Variants in TRPM3 observed in about 807,000 individuals in gnomAD.
TRPM3 encodes transient receptor potential cation channel subfamily M member 3.
In TRPM3, 77 loss-of-function variants were observed where a neutral mutation model predicts 181.2. The ratio of observed to expected loss-of-function variants is 0.42; its 90% CI spans 0.35 to 0.51. The LOEUF is 0.51. Ranked by LOEUF, TRPM3 falls within the 20% of genes least tolerant of loss-of-function variation. The pLI is 0.01. For missense variants in TRPM3, 1,759 were observed against 2,196.7 expected (o/e 0.80, Z 3.98); for synonymous variants, 745 against 796.4 (o/e 0.94, Z 1.09).
chr9:70,565,372 C>A (rs1209078900), intron 22 of TRPM3, among the ~76,000 whole-genome samples: 1 of 152,076 alleles, frequency 6.6e-6, no homozygotes, highest in Non-Finnish European at 1.5e-5. Context: ...CAGCTCACTG[C>A]AACCTCCAAC....
intron 1 of TRPM3, among the ~76,000 whole-genome samples, chr9:71,223,915 C>G (rs2080405691): frequency 6.6e-6 from 1 of 152,206 alleles, no homozygotes; most frequent in Non-Finnish European, 1.5e-5. Context: ...ACTCTAGGCC[C>G]AGACTCCTGC....
intron 1 of TRPM3, among the ~76,000 whole-genome samples, chr9:71,038,816 G>T (rs1443302468): frequency 6.6e-6 from 1 of 152,034 alleles, no homozygotes; most frequent in Non-Finnish European, 1.5e-5. Context: ...GAGATAGCTA[G>T]TTACAGAATG....
chr9:71,444,177 C>CAAAAAA (rs34011806), intron 1 of TRPM3, among the ~76,000 whole-genome samples: 1 of 112,908 alleles, frequency 8.9e-6, no homozygotes. Flanking sequence ...GAATACATCT[C>CAAAAAA]AAAAAAAAAA....
intron 1 of TRPM3, among the ~76,000 whole-genome samples, chr9:71,430,164 G>A (rs2093933599): frequency 6.6e-6 from 1 of 152,142 alleles, no homozygotes; most frequent in Admixed American, 6.5e-5. Flanking sequence ...CTCCAGGAGG[G>A]CTGGAACTTG....
At chr9:71,008,174 C>A (rs921633131) in intron 1 of TRPM3, among the ~76,000 whole-genome samples, 1 of 151,768 alleles carries the variant, frequency 6.6e-6, no homozygotes, top group African/African-American at 2.4e-5. Context: ...CCAAAAGAAA[C>A]TTATGAATTC....
chr9:71,126,616 G>A (rs1385997923), upstream of TRPM3, among the ~76,000 whole-genome samples: 1 of 151,818 alleles, frequency 6.6e-6, no homozygotes, highest in Non-Finnish European at 1.5e-5. Context: ...TTCCCCTTTT[G>A]CCATCTTTTG....
intron 5 of TRPM3, among the ~76,000 whole-genome samples, chr9:70,828,448 G>A (rs2093686049): frequency 6.6e-6 from 1 of 152,020 alleles, no homozygotes; most frequent in African/African-American, 2.4e-5. Context: ...GATGGTGGCG[G>A]GGAGCTAGGA....
chr9:71,178,200 G>A (rs1331210666), intron 1 of TRPM3, among the ~76,000 whole-genome samples: 1 of 151,948 alleles, frequency 6.6e-6, no homozygotes, highest in African/African-American at 2.4e-5. Context: ...CTTCAAAGAG[G>A]AATTCTTATG....
At chr9:71,274,938 C>A (rs1425398880) in intron 1 of TRPM3, among the ~76,000 whole-genome samples, 1 of 152,160 alleles carries the variant, frequency 6.6e-6, no homozygotes, top group Admixed American at 6.6e-5. Context: ...TAATTCTCAA[C>A]ATTGAAATGC....
At chr9:70,783,515 T>C (rs2130838497) in intron 7 of TRPM3, among the ~76,000 whole-genome samples, 1 of 152,232 alleles carries the variant, frequency 6.6e-6, no homozygotes, top group South Asian at 2.1e-4. Flanking sequence ...CTGTTGAAAG[T>C]AGCATTAAGA....
At chr9:70,969,275 G>T (rs1002329771) in intron 1 of TRPM3, among the ~76,000 whole-genome samples, 2 of 151,940 alleles carry the variant, frequency 1.3e-5, no homozygotes, top group Non-Finnish European at 2.9e-5. Context: ...GGCCTCTCAG[G>T]GGGTGGGGGG....
At chr9:70,701,005 G>A (rs56882913) in intron 8 of TRPM3, among the ~76,000 whole-genome samples, 23,354 of 152,114 alleles carry the variant, frequency 0.15, 2,383 homozygotes, top group East Asian at 0.39. Context: ...GTCAGATGCT[G>A]GCATTTTTTT....
At chr9:71,336,768 G>T (rs1214547296) in intron 1 of TRPM3, among the ~76,000 whole-genome samples, 1 of 152,084 alleles carries the variant, frequency 6.6e-6, no homozygotes, top group African/African-American at 2.4e-5. Flanking sequence ...TAGACCAATG[G>T]AACAGAACAG....
intron 1 of TRPM3, among the ~76,000 whole-genome samples, chr9:71,002,747 T>A (rs2097622398): frequency 6.6e-6 from 1 of 152,182 alleles, no homozygotes; most frequent in South Asian, 2.1e-4. Flanking sequence ...AAATAATCTT[T>A]ATTTTTCTGA....
intron 1 of TRPM3, among the ~76,000 whole-genome samples, chr9:71,035,713 T>C (rs916358854): frequency 6.6e-6 from 1 of 152,006 alleles, no homozygotes; most frequent in Non-Finnish European, 1.5e-5. Flanking sequence ...CAGGACTGTC[T>C]CACAAAAATA....
intron 1 of TRPM3, among the ~76,000 whole-genome samples, chr9:71,032,016 TATA>T (rs1378816730): frequency 0.01 from 2 of 198 alleles, no homozygotes; most frequent in Non-Finnish European, 0.028. Flanking sequence ...TAATATATAA[TATA>T]TATATATAAT....
At chr9:71,046,575 A>G (rs904404851) in intron 1 of TRPM3, among the ~76,000 whole-genome samples, 6 of 152,148 alleles carry the variant, frequency 3.9e-5, no homozygotes, top group Admixed American at 6.5e-5. Context: ...GTTATCAGCT[A>G]TTTGTTGCCT....
chr9:71,067,668 G>A (rs1413799848), intron 1 of TRPM3, among the ~76,000 whole-genome samples: 2 of 152,198 alleles, frequency 1.3e-5, no homozygotes, highest in Non-Finnish European at 2.9e-5. Flanking sequence ...AAGTACTTAG[G>A]ACAGTGGTTA....
chr9:71,068,762 G>C (rs552146115), intron 1 of TRPM3, among the ~76,000 whole-genome samples: 7 of 152,280 alleles, frequency 4.6e-5, no homozygotes, highest in African/African-American at 1.7e-4. Flanking sequence ...CATTTTCAAA[G>C]GCATCAAATG....
Sources: allele counts gnomAD v4.1 joint callset (sites outside exome capture counted in the v4.1 genomes callset), GRCh38; gene constraint gnomAD v4.1.1; transcripts MANE v1.5; gene names NCBI Gene and HGNC (gene_info 2026-07-23, HGNC 2026-07-21).